EPHA10: variants seen among roughly 807,000 people sequenced by gnomAD.
EPHA10 encodes the protein EPH receptor A10.
Under a neutral mutation model 109.7 loss-of-function variants are expected in EPHA10, and 120 were observed. The ratio of observed to expected loss-of-function variants is 1.09; its 90% confidence interval spans 0.94 to 1.27. The LOEUF (loss-of-function observed/expected upper bound fraction) is 1.27. EPHA10 is among the 50% of genes most tolerant of loss of function. The pLI, the probability that EPHA10 is intolerant of heterozygous loss-of-function variation, is 0.00. For missense variants in EPHA10, 1,396 were observed against 1,411.1 expected (o/e 0.99, Z 0.17); for synonymous variants, 640 against 618.9 (o/e 1.03, Z -0.51).
At chr1:37,724,887 G>C (rs1052414255) in intron 8 of EPHA10, among the ~76,000 whole-genome samples, 1 of 152,218 alleles carries the variant, frequency 6.6e-6, no homozygotes, top group Non-Finnish European at 1.5e-5. Flanking sequence ...AGGCCTGCCA[G>C]ACAGCAGCAT....
intron 8 of EPHA10, among the ~76,000 whole-genome samples, chr1:37,726,509 G>A (rs1450654296): frequency 6.6e-6 from 1 of 152,232 alleles, no homozygotes; most frequent in South Asian, 2.1e-4. Flanking sequence ...TGGGGAGAAG[G>A]GGAGGATACA....
rs544610762 is a variant in EPHA10, at chr1:37,747,827, G to T, written c.1357+5049C>A. Among the ~76,000 whole-genome samples the T allele has an allele frequency of 5.3e-5, 8 of 152,156 alleles. No homozygotes were observed. In the South Asian group the frequency reaches 1.7e-3, roughly 32 times the overall value. ...GACGAAAGTAAAGAACAATGGAATTGATAGGTTCAAGAGCTGATTCTGTGT... is the reference window on the plus strand; with the variant it reads ...GACGAAAGTAAAGAACAATGGAATTTATAGGTTCAAGAGCTGATTCTGTGT... On this transcript the variant is annotated intron_variant, in intron 5 of 16. Transcript: ENST00000373048.
chr1:37,720,652 C>T, intron 12 of EPHA10, 98 bp from the exon 13 acceptor site: 1 of 1,532,544 alleles, frequency 6.5e-7, no homozygotes, highest in East Asian at 2.3e-5. Flanking sequence ...GGCTTTAGTT[C>T]ACCCTGTGAC....
At chr1:37,726,948 G>A (rs1645901850) in intron 8 of EPHA10, among the ~76,000 whole-genome samples, 154 bp downstream of exon 8, 1 of 152,228 alleles carries the variant, frequency 6.6e-6, no homozygotes, top group African/African-American at 2.4e-5. Context: ...TGGGGGGAGG[G>A]GCCGGGATGA....
At chr1:37,760,195 C>T (rs918488958) in intron 3 of EPHA10, 9 of 847,912 alleles carry the variant, frequency 1.1e-5, no homozygotes, top group Non-Finnish European at 1.3e-5. Context: ...ATCTCTCCAT[C>T]TAGACTGTGA....
intron 6 of EPHA10, chr1:37,734,760 C>T (rs767216716): frequency 1.4e-4 from 52 of 383,110 alleles, no homozygotes; most frequent in Non-Finnish European, 1.9e-4. Context: ...ACTGTAAATG[C>T]TGTGCTACAC....
chr1:37,758,251 T>TC (rs1013670520), intron 3 of EPHA10, among the ~76,000 whole-genome samples: 47 of 152,116 alleles, frequency 3.1e-4, no homozygotes, highest in Admixed American at 1.2e-3. Flanking sequence ...GGGATGGGGA[T>TC]CCCCCCCATA....
chr1:37,733,982 C>T (rs1646029981), intron 6 of EPHA10, among the ~76,000 whole-genome samples: 3 of 152,168 alleles, frequency 2.0e-5, no homozygotes, highest in Non-Finnish European at 1.5e-5. Context: ...TCAGTGGTAC[C>T]TCAGACTCTG....
intron 5 of EPHA10, among the ~76,000 whole-genome samples, chr1:37,737,134 T>C (rs1317404231): frequency 1.3e-5 from 2 of 152,028 alleles, no homozygotes; most frequent in Non-Finnish European, 2.9e-5. Flanking sequence ...CCATGAATAG[T>C]CAACACAATC....
chr1:37,725,308 C>T (rs1645869565), intron 8 of EPHA10, among the ~76,000 whole-genome samples: 1 of 151,842 alleles, frequency 6.6e-6, no homozygotes, highest in Non-Finnish European at 1.5e-5. Flanking sequence ...AGTTTGAGAC[C>T]AGCCTGGCCA....
At chr1:37,720,225 C>T (rs1383772190) in intron 13 of EPHA10, 126 bp downstream of exon 13, 14 of 1,395,160 alleles carry the variant, frequency 1.0e-5, no homozygotes, top group South Asian at 7.1e-5. Flanking sequence ...GGGGTTCACT[C>T]GCATTTATGC....
rs373858037 is a variant in EPHA10 at position 37,721,872 on chromosome 1, C to G, written c.1961-27G>C. The G allele has an allele frequency of 7.3e-6, 11 of 1,514,168 alleles. No homozygotes were observed. The African/African-American group carries it at 1.3e-4, about 17-fold the overall frequency. The allele number at this position is 1,514,168 out of a possible 1,614,324, so 93.8% of individuals were successfully genotyped here. ...TGTGGGGAAACAGCACCTCAGATACCGCCAGAGGCCACTGCCCTGGCTGAG... is the reference window on the plus strand; with the variant it reads ...TGTGGGGAAACAGCACCTCAGATACGGCCAGAGGCCACTGCCCTGGCTGAG... On this transcript the variant is annotated intron_variant, in intron 10 of 16. Coordinates refer to ENST00000373048, the MANE Select transcript of EPHA10 (RefSeq NM_001099439.2).
In EPHA10 at chr1:37,727,212, T is replaced by A. The variant is rs373557845; in HGVS notation, c.1664-2A>T. ...TCTGGTCCCTGGACCCTGAGGCAGC[T>A]GGGAGGAAAATCACGAGGTTGAGGC... On this transcript the variant is annotated splice_acceptor_variant, in intron 7 of 16. Transcript: ENST00000373048. LOFTEE classifies it high-confidence loss of function. 2.5e-6 allele frequency: 4 copies of A among 1,596,198 alleles called. No individual in the cohort carries two copies. The African/African-American group carries it at 5.4e-5, about 22-fold the overall frequency.
intron 6 of EPHA10, 135 bp from the exon 7 acceptor site, chr1:37,731,717 A>G (rs1456488213): frequency 4.3e-5 from 39 of 904,206 alleles, no homozygotes; most frequent in Non-Finnish European, 5.7e-5. Flanking sequence ...CCCAACCTCA[A>G]TCATCTTGGG....
At chr1:37,761,089 T>TAA (rs74980924) in intron 3 of EPHA10, 181 of 912,180 alleles carry the variant, frequency 2.0e-4, no homozygotes, top group South Asian at 2.3e-4. Context: ...CTCCTTATTT[T>TAA]AAAAAAAAAA....
At position 37,752,955 on chromosome 1, in the gene EPHA10, G is replaced by A; in HGVS notation, c.1278C>T (p.Ala426=). ...RPGARYTVRV[A]ALNGVSGPAA... is the part of the protein sequence containing the mutation. ...CCGGGCCCGAGACGCCGTTGAGCGC[G>A]GCCACGCGCACGGTGTAGCGCGCGC... Residue 426 remains alanine (A), a synonymous_variant, in exon 5 of 17, where the codon GCC becomes GCT. Transcript: ENST00000373048. 7.7e-7 allele frequency: 1 copy of A among 1,294,790 alleles called. No individual in the cohort carries two copies. The highest frequency in any genetic ancestry group is 9.8e-7 in the Non-Finnish European group (1 of 1,024,574). The allele number at this position is 1,294,790 out of a possible 1,614,324, so 80.2% of individuals were successfully genotyped here. A position where few individuals can be genotyped will look rare whatever the true frequency, so the allele number is the denominator to read the frequency against.
rs752562839 is a variant in EPHA10 at position 37,717,290 on chromosome 1, C to T, written c.*1082G>A. The T allele has an allele frequency of 3.1e-4, 71 of 232,504 alleles. No homozygotes were observed. The highest frequency in any genetic ancestry group is 4.6e-4 in the Non-Finnish European group (54 of 117,680). The allele number at this position is 232,504 out of a possible 1,614,324, so 14.4% of individuals were successfully genotyped here. A position where few individuals can be genotyped will look rare whatever the true frequency, so the allele number is the denominator to read the frequency against. On this transcript the variant is annotated 3_prime_UTR_variant, in exon 17 of 17. Coordinates refer to ENST00000373048, the MANE Select transcript of EPHA10 (RefSeq NM_001099439.2). ...GGAAGGCTGGGTAGTGCCCAAGGCACGGAGCTGGCTGGAGGGGAGTCGCCT... is the reference window on the plus strand; with the variant it reads ...GGAAGGCTGGGTAGTGCCCAAGGCATGGAGCTGGCTGGAGGGGAGTCGCCT...
At chr1:37,740,526 C>T (rs1646138097) in intron 5 of EPHA10, among the ~76,000 whole-genome samples, 1 of 152,112 alleles carries the variant, frequency 6.6e-6, no homozygotes. Flanking sequence ...AGGATGGTCT[C>T]CATCTCCTGA....
rs1171285132 is a variant in EPHA10, at chr1:37,754,301, C to T, written c.920G>A (p.Arg307Gln). ...GAAGGTGGAGGCGTTTTCCAGGGCC[C>T]GGCTGTGCTCTGGGCACGGTGAGCA... The part of the protein sequence containing the change: ...PLCSPCPEHS[R>Q]ALENASTFCV... Residue 307 changes from arginine (R) to glutamine (Q), a missense_variant, in exon 4 of 17, where the codon CGG (arginine) becomes CAG (glutamine). By Grantham distance (43) the Arg-to-Gln change is conservative. Transcript: ENST00000373048. The surrounding 1 kb of genome is among the most constrained non-coding windows in gnomAD (Gnocchi z 4.5). 2.3e-6 allele frequency: 3 copies of T among 1,319,924 alleles called. No homozygotes were observed. The highest frequency in any genetic ancestry group is 2.9e-6 in the Non-Finnish European group (3 of 1,029,024). 81.8% of individuals were successfully genotyped at this position (1,319,924 alleles called of 1,614,324 possible). A position where few individuals can be genotyped will look rare whatever the true frequency, so the allele number is the denominator to read the frequency against.
Sources: allele counts gnomAD v4.1 joint callset (sites outside exome capture counted in the v4.1 genomes callset), GRCh38; gene constraint gnomAD v4.1.1; non-coding constraint Gnocchi (gnomAD v3.1); transcripts MANE v1.5; gene names NCBI Gene and HGNC (gene_info 2026-07-23, HGNC 2026-07-21).